The following UTP20 variants were observed in gnomAD, a reference collection of about 807,000 sequenced individuals.
The protein encoded by UTP20 is UTP20 small subunit processome component.
In UTP20, 164 loss-of-function variants were observed where a neutral mutation model predicts 329.5. The observed-to-expected ratio is 0.50, with a 90% CI of 0.44 to 0.57. UTP20 has a LOEUF of 0.57. UTP20 is among the 20% of genes least tolerant of loss of function. UTP20 has a pLI of 0.00. For missense variants in UTP20, 3,055 were observed against 3,284.2 expected (o/e 0.93, Z 1.71); for synonymous variants, 1,151 against 1,159.3 (o/e 0.99, Z 0.14).
intron 17 of UTP20, among the ~76,000 whole-genome samples, chr12:101,307,937 A>T (rs1872683198): frequency 6.6e-6 from 1 of 152,148 alleles, no homozygotes; most frequent in Admixed American, 6.5e-5. Context: ...AATCAATTTG[A>T]GTGACTTGAG....
At position 101,341,837 on chromosome 12, in the gene UTP20, G is replaced by A. The variant is rs184406317; in HGVS notation, c.4102-609G>A. On this transcript the variant is annotated intron_variant, in intron 32 of 61. Transcript: ENST00000261637. ...GGAGAATCGCTTGAACCCAGGAGGT[G>A]GAGGTTGTGGTGAGCTGAGATCATG... Among the ~76,000 whole-genome samples, 1,262 of 152,238 alleles carry A rather than the reference G, an allele frequency of 8.3e-3. 10 individuals are homozygous for A. Among genetic ancestry groups the A allele is most frequent in the Non-Finnish European group, 0.011 (750 of 68,004 alleles).
intron 26 of UTP20, among the ~76,000 whole-genome samples, chr12:101,328,492 T>C (rs1402326188): frequency 6.6e-6 from 1 of 152,092 alleles, no homozygotes; most frequent in African/African-American, 2.4e-5. Context: ...AAGGAACTTG[T>C]AATACAGAAA....
At chr12:101,299,380 A>C (rs1219095061) in intron 12 of UTP20, among the ~76,000 whole-genome samples, 4 of 152,230 alleles carry the variant, frequency 2.6e-5, no homozygotes, top group Admixed American at 6.5e-5. Flanking sequence ...ATTCCAGTGA[A>C]TTGTCAATCA....
intron 56 of UTP20, among the ~76,000 whole-genome samples, chr12:101,378,056 T>C (rs1378419878): frequency 1.3e-5 from 2 of 152,058 alleles, no homozygotes; most frequent in African/African-American, 4.8e-5. Context: ...ACCCCATCTC[T>C]ATAAAAAATA....
chr12:101,385,714 A>T lies in UTP20; in HGVS notation c.8188A>T (p.Arg2730Trp). The T allele has an allele frequency of 3.7e-6, 6 of 1,611,360 alleles. No homozygotes were observed. The highest frequency in any genetic ancestry group is 5.1e-6 in the Non-Finnish European group (6 of 1,179,540). ...ANEKRALRKKRKALEFVTNPD... is the reference protein window; with the variant it reads ...ANEKRALRKKWKALEFVTNPD... ...TGAGAAAAGGGCACTCCGGAAAAAG[A>T]GGAAGGCCCTGGAGGTAAGTTTGCT... The change falls in exon 61 of 62, where the codon AGG becomes TGG. Residue 2730 changes from arginine (R) to tryptophan (W), a missense_variant. Arg to Trp is a moderately radical substitution (Grantham distance 101). Around this residue, in one of 3 missense-constraint regions of UTP20, gnomAD observed 337 missense variants for 345.5 expected, o/e 0.98. Coordinates refer to ENST00000261637, the MANE Select transcript of UTP20 (RefSeq NM_014503.3).
chr12:101,287,350 T>A (rs1871994201), intron 5 of UTP20, among the ~76,000 whole-genome samples: 1 of 152,242 alleles, frequency 6.6e-6, no homozygotes, highest in Non-Finnish European at 1.5e-5. Context: ...CAATATTATT[T>A]CATTAAACAA....
At chr12:101,323,352 A>G (rs533000778) in intron 25 of UTP20, among the ~76,000 whole-genome samples, 338 of 152,338 alleles carry the variant, frequency 2.2e-3, no homozygotes, top group African/African-American at 7.5e-3. Flanking sequence ...AATTGATGAA[A>G]ATTTTAAAAC....
At chr12:101,356,532 T>A (rs558707613) in intron 41 of UTP20, 22 bp from the exon 42 acceptor site, 1 of 1,589,684 alleles carries the variant, frequency 6.3e-7, no homozygotes, top group South Asian at 1.2e-5. Context: ...TCATTTTAGC[T>A]TAACCTAAAT....
chr12:101,292,954 T>A (rs1012200536), intron 10 of UTP20, among the ~76,000 whole-genome samples: 1 of 152,230 alleles, frequency 6.6e-6, no homozygotes, highest in Non-Finnish European at 1.5e-5. Context: ...CATAATTCAC[T>A]GTAGCTGGGC....
At chr12:101,338,372 G>T in intron 30 of UTP20, 95 bp downstream of exon 30, 1 of 1,239,060 alleles carries the variant, frequency 8.1e-7, no homozygotes, top group East Asian at 2.4e-5. Flanking sequence ...TGACTCACTC[G>T]AGAGCATATG....
intron 29 of UTP20, among the ~76,000 whole-genome samples, chr12:101,336,685 A>G (rs1046242771): frequency 5.9e-5 from 9 of 152,114 alleles, no homozygotes; most frequent in Non-Finnish European, 1.2e-4. Context: ...GTATTCATCT[A>G]TCTTCATAAC....
At chr12:101,339,516 G>A (rs979128975) in intron 31 of UTP20, among the ~76,000 whole-genome samples, 11 of 152,102 alleles carry the variant, frequency 7.2e-5, no homozygotes, top group Admixed American at 2.6e-4. Context: ...AAATTAAAGG[G>A]GACAGATTTT....
rs769621149 is a variant in UTP20, at chr12:101,374,767, C to T, written c.7132-41C>T. ...ATTTTACAGTTTCAGTAAAGGCCTC[C>T]CAAGTTCTCTTGACATTGTCTTGTG... On this transcript the variant is annotated intron_variant, in intron 54 of 61. Transcript: ENST00000261637. The T allele has an allele frequency of 3.5e-6, 3 of 855,082 alleles. No individual in the cohort carries two copies. In the African/African-American group the frequency reaches 4.9e-5, roughly 14 times the overall value. The allele number at this position is 855,082 out of a possible 1,614,324, so 53.0% of individuals were successfully genotyped here. A position where few individuals can be genotyped will look rare whatever the true frequency, so the allele number is the denominator to read the frequency against.
chr12:101,347,175 G>A (rs771496883), intron 38 of UTP20, among the ~76,000 whole-genome samples: 2 of 152,150 alleles, frequency 1.3e-5, no homozygotes, highest in African/African-American at 4.8e-5. Context: ...ATTACACAGT[G>A]CCTAGAATGG....
chr12:101,330,239 C>T (rs142713646), intron 27 of UTP20, among the ~76,000 whole-genome samples: 110 of 152,162 alleles, frequency 7.2e-4, no homozygotes, highest in Middle Eastern at 3.4e-3. Flanking sequence ...TTACACCTCA[C>T]CATGAGAAGA....
At chr12:101,382,764 A>G (rs1239494493) in intron 58 of UTP20, among the ~76,000 whole-genome samples, 1 of 151,572 alleles carries the variant, frequency 6.6e-6, no homozygotes, top group Non-Finnish European at 1.5e-5. Context: ...GAGGCATGAG[A>G]ATCATTTAAA....
Position 101,311,805 on chromosome 12 carries a change from A to G in UTP20, c.2311+7A>G, listed in dbSNP as rs747683608. 11 of 1,605,694 alleles carry G rather than the reference A, an allele frequency of 6.9e-6. No homozygotes were observed. In the African/African-American group the frequency reaches 1.5e-4, roughly 22 times the overall value. On this transcript the variant is annotated splice_region_variant and intron_variant, in intron 20 of 61. Transcript: ENST00000261637. Reference sequence around the variant, plus strand: ...AAAGCAGCTACGCATGCTGGTATGTAAAGGGGTTGTGAGGAAGCTGCGAAG... The same window carrying G: ...AAAGCAGCTACGCATGCTGGTATGTGAAGGGGTTGTGAGGAAGCTGCGAAG...
chr12:101,370,705 C>A, intron 50 of UTP20, 142 bp downstream of exon 50: 1 of 885,744 alleles, frequency 1.1e-6, no homozygotes, highest in Non-Finnish European at 1.7e-6. Context: ...TTTGGTGGGT[C>A]AATTACAGGT....
intron 26 of UTP20, among the ~76,000 whole-genome samples, chr12:101,328,146 A>G (rs1226734332): frequency 1.3e-5 from 2 of 152,176 alleles, no homozygotes; most frequent in African/African-American, 4.8e-5. Context: ...TTCTATGATA[A>G]TAGGTCCAGC....
Sources: gnomAD v4.1 joint callset for allele counts (sites outside exome capture counted in the v4.1 genomes callset) on GRCh38, gnomAD v4.1.1 for gene constraint, gnomAD v4.1.1 regional missense constraint, MANE v1.5 for transcripts, NCBI Gene and HGNC (gene_info 2026-07-23, HGNC 2026-07-21) for gene names.